The following ERICH3 variants were observed in gnomAD, a reference collection of about 807,000 sequenced individuals.
ERICH3 encodes glutamate-rich protein 3.
ERICH3 carries 126 observed loss-of-function variants against 131.1 expected under a neutral mutation model. That is an observed-to-expected ratio of 0.96 (90% CI 0.83 to 1.11). The LOEUF (loss-of-function observed/expected upper bound fraction) is 1.11. Among genes scored for constraint, ERICH3 ranks in the 50% most tolerant of loss-of-function variants. The pLI, the probability that ERICH3 is intolerant of heterozygous loss-of-function variation, is 0.00. For missense variants in ERICH3, 2,050 were observed against 1,810.7 expected (o/e 1.13, Z -2.40); for synonymous variants, 695 against 644.6 (o/e 1.08, Z -1.18).
chr1:74,614,357 A>AT (rs1648845965), intron 8 of ERICH3, among the ~76,000 whole-genome samples: 1 of 130,692 alleles, frequency 7.7e-6, no homozygotes, highest in Admixed American at 8.4e-5. Context: ...TGTGTACCAC[A>AT]TTTTTTCCCT....
intron 1 of ERICH3, among the ~76,000 whole-genome samples, chr1:74,656,620 A>G (rs905515661): frequency 6.6e-6 from 1 of 152,210 alleles, no homozygotes; most frequent in Non-Finnish European, 1.5e-5. Context: ...TGAAGTGAAC[A>G]TCTCAGTTTA....
chr1:74,587,983 A>G (rs1006932494), intron 12 of ERICH3, among the ~76,000 whole-genome samples: 1 of 152,146 alleles, frequency 6.6e-6, no homozygotes, highest in Admixed American at 6.5e-5. Context: ...AATTCTTAGG[A>G]TTTTGTGGGC....
chr1:74,611,236 A>C (rs1268911760), intron 9 of ERICH3, among the ~76,000 whole-genome samples: 2 of 152,030 alleles, frequency 1.3e-5, no homozygotes, highest in African/African-American at 4.8e-5. Flanking sequence ...ATTCCACCCC[A>C]AAAACCTGCT....
rs751997045 is a variant in ERICH3 at position 74,573,339 on chromosome 1, C to T, written c.2371G>A (p.Gly791Arg). ...PQHRDADIVQ[G>R]KGEAALWGEA... ...CCCCACAGTGCTGCCTCCCCTTTTC[C>T]CTGTACTATGTCAGCATCTCTGTGC... Residue 791 changes from glycine to arginine, a missense_variant, in exon 14 of 15, where the codon GGA becomes AGA. Transcript: ENST00000326665. 6.2e-7 allele frequency: 1 copy of T among 1,611,116 alleles called. No individual in the cohort carries two copies. Among genetic ancestry groups the T allele is most frequent in the South Asian group, 1.1e-5 (1 of 90,500 alleles).
At chr1:74,673,471 G>C in intron 1 of ERICH3, 26 bp downstream of exon 1, 1 of 1,611,064 alleles carries the variant, frequency 6.2e-7, no homozygotes, top group South Asian at 1.1e-5. Context: ...CTGCCACAGC[G>C]TGGAAAAGCT....
Position 74,605,081 on chromosome 1 carries a change from A to G in ERICH3, c.1489+1520T>C, listed in dbSNP as rs181688389. On this transcript the variant is annotated intron_variant, in intron 10 of 14. Coordinates refer to ENST00000326665, the MANE Select transcript of ERICH3 (RefSeq NM_001002912.5). ...ATCTTCGCTAGGTCTTCTGGATAAA[A>G]TTGCAGCAGCTCCTACATAAGCACT... 2.0e-5 allele frequency among the ~76,000 whole-genome samples: 3 copies of G among 152,070 alleles called. No homozygotes were observed. The East Asian group carries it at 5.8e-4, about 30-fold the overall frequency.
chr1:74,657,968 C>G lies in ERICH3; in HGVS notation c.24-8653G>C, dbSNP rs559152393. ...TGACCAGAATGGAAACTTCTGGAAA[C>G]TAAGAATTTTTATCACTAGCATTTA... On this transcript the variant is annotated intron_variant, in intron 1 of 14. Coordinates refer to ENST00000326665, the MANE Select transcript of ERICH3 (RefSeq NM_001002912.5). 6.6e-5 allele frequency among the ~76,000 whole-genome samples: 10 copies of G among 152,228 alleles called. No homozygotes were observed. In the South Asian group the frequency reaches 2.1e-3, roughly 32 times the overall value.
intron 12 of ERICH3, among the ~76,000 whole-genome samples, chr1:74,586,765 T>C (rs932501449): frequency 1.3e-5 from 2 of 152,094 alleles, no homozygotes; most frequent in Non-Finnish European, 2.9e-5. Context: ...AGATTAAATA[T>C]GTTCATAAAG....
In ERICH3 at chr1:74,636,360, C is replaced by T. The variant is rs149378692; in HGVS notation, c.523G>A (p.Val175Ile). 8.1e-6 allele frequency: 13 copies of T among 1,613,294 alleles called. No individual in the cohort carries two copies. The highest frequency in any genetic ancestry group is 1.1e-5 in the Non-Finnish European group (13 of 1,179,438). The change falls in exon 6 of 15, where the codon GTA becomes ATA. Residue 175 changes from valine to isoleucine, a missense_variant. Coordinates refer to ENST00000326665, the MANE Select transcript of ERICH3 (RefSeq NM_001002912.5). ...GAAGTTACCTTTGGAACAGTTTCTA[C>T]TGCAGGATTACTGGGAAGAGGCTGT... Reference protein sequence around the residue: ...RLQPLPSNPAVETVPKVTSRS... With the variant: ...RLQPLPSNPAIETVPKVTSRS...
At chr1:74,625,206 C>T (rs1260708894) in intron 7 of ERICH3, 1 of 151,924 alleles carries the variant, frequency 6.6e-6, no homozygotes, top group Non-Finnish European at 1.5e-5. Context: ...TTTCACCATA[C>T]CTGAATAATT....
At chr1:74,647,704 C>T (rs1646497889) in intron 2 of ERICH3, among the ~76,000 whole-genome samples, 2 of 152,120 alleles carry the variant, frequency 1.3e-5, no homozygotes, top group Non-Finnish European at 1.5e-5. Flanking sequence ...TTGCTCCCCT[C>T]TTTCATGCAA....
rs183389811 is a variant in ERICH3 at position 74,660,614 on chromosome 1, T to G, written c.24-11299A>C. The stretch of plus-strand genomic sequence containing the variant: ...ACAAGTGTATATATATATATATATA[T>G]AGTGTGTATATATATACACATGTGT... On this transcript the variant is annotated intron_variant, in intron 1 of 14. Transcript: ENST00000326665. 4.1e-3 allele frequency among the ~76,000 whole-genome samples: 565 copies of G among 138,618 alleles called. 2 individuals are homozygous for G. The highest frequency in any genetic ancestry group is 0.014 in the African/African-American group (532 of 37,928). The allele number at this position is 138,618 out of a possible 152,430, so 90.9% of individuals were successfully genotyped here.
intron 1 of ERICH3, among the ~76,000 whole-genome samples, chr1:74,657,705 A>G (rs959155860): frequency 2.0e-5 from 3 of 152,154 alleles, no homozygotes; most frequent in Non-Finnish European, 4.4e-5. Context: ...CTGGCAAGAC[A>G]GTTTTGCAGT....
chr1:74,662,683 TCTC>T (rs1646654438), intron 1 of ERICH3, among the ~76,000 whole-genome samples: 1 of 152,108 alleles, frequency 6.6e-6, no homozygotes, highest in Non-Finnish European at 1.5e-5. Flanking sequence ...GGCATTAACT[TCTC>T]CTTACAGGCC....
In ERICH3 at chr1:74,572,728, C is replaced by G. The variant is rs751709815; in HGVS notation, c.2982G>C (p.Leu994Phe). The G allele has an allele frequency of 1.2e-6, 2 of 1,613,744 alleles. No homozygotes were observed. The highest frequency in any genetic ancestry group is 2.7e-5 in the African/African-American group (2 of 74,808). ...CCTCTGCCTCTCCTGTGAAGGGGCT[C>G]AAGCGTGTTTCTGTTCTCATAACCT... ...RKEVMRTETR[L>F]SPFTGEAEAS... The change falls in exon 14 of 15, where the codon TTG (leucine) becomes TTC (phenylalanine). Residue 994 changes from leucine (L) to phenylalanine (F), a missense_variant. Leu to Phe is a conservative substitution (Grantham distance 22, BLOSUM62 0). Transcript: ENST00000326665.
chr1:74,568,989 G>GTCTACT lies in ERICH3; in HGVS notation c.*1468_*1469insAGTAGA, dbSNP rs2100492975. The GTCTACT allele has an allele frequency of 6.6e-6, 1 of 152,142 alleles. No individual in the cohort carries two copies. Among genetic ancestry groups the GTCTACT allele is most frequent in the East Asian group, 1.9e-4 (1 of 5,156 alleles). 9.4% of individuals were successfully genotyped at this position (152,142 alleles called of 1,614,324 possible). ...GATGTGCTGATGCTTCTGATCAAGG[G>GTCTACT]ACCAGTCTACTATCTGGTCCAGTGT... is the stretch of plus-strand genomic sequence containing the variant. On this transcript the variant is annotated 3_prime_UTR_variant, in exon 15 of 15. Coordinates refer to ENST00000326665, the MANE Select transcript of ERICH3 (RefSeq NM_001002912.5).
chr1:74,631,682 T>A (rs1346586763), intron 7 of ERICH3, 31 bp downstream of exon 7: 2 of 1,553,962 alleles, frequency 1.3e-6, no homozygotes, highest in African/African-American at 2.7e-5. Context: ...CTGAGATAAA[T>A]TAATAAAAGA....
rs1320935147 is a variant in ERICH3 at position 74,600,037 on chromosome 1, C to T, written c.1490-106G>A. On this transcript the variant is annotated intron_variant, in intron 10 of 14. Transcript: ENST00000326665. The stretch of plus-strand genomic sequence containing the variant: ...ACTCCATTATCCTCTCTTCTCTGAG[C>T]CTTTCTTTGCTTCTTCTTTTTCGTT... 1.4e-5 allele frequency: 11 copies of T among 763,712 alleles called. 1 individual carries two copies. The highest frequency in any genetic ancestry group is 2.3e-5 in the Non-Finnish European group (11 of 483,858). The allele number at this position is 763,712 out of a possible 1,614,324, so 47.3% of individuals were successfully genotyped here.
In ERICH3 at chr1:74,612,784, C is replaced by G. The variant is rs774141417; in HGVS notation, c.1026G>C (p.Arg342Ser). The change falls in exon 9 of 15, where the codon AGG (arginine) becomes AGC (serine). Residue 342 changes from arginine (R) to serine (S), a missense_variant. Coordinates refer to ENST00000326665, the MANE Select transcript of ERICH3 (RefSeq NM_001002912.5). Reference sequence around the variant, plus strand: ...TGAGACTGAAGGGGAAACCATGATGCCTTTTGGAAATAAACTGAAAGGTCT... The same window carrying G: ...TGAGACTGAAGGGGAAACCATGATGGCTTTTGGAAATAAACTGAAAGGTCT... ...EKETFQFISK[R>S]HHGFPFSLTF... The G allele has an allele frequency of 1.9e-6, 3 of 1,584,992 alleles. No individual in the cohort carries two copies. Among genetic ancestry groups the G allele is most frequent in the Non-Finnish European group, 2.6e-6 (3 of 1,157,700 alleles).
Sources: allele counts gnomAD v4.1 joint callset (sites outside exome capture counted in the v4.1 genomes callset), GRCh38; gene constraint gnomAD v4.1.1; transcripts MANE v1.5; gene names NCBI Gene and HGNC (gene_info 2026-07-23, HGNC 2026-07-21).